The following SPMIP7 variants were observed in gnomAD, a reference collection of about 807,000 sequenced individuals.
SPMIP7 encodes sperm microtubule inner protein 7.
At chr7:50,096,000 T>G in the SPMIP7 span, 1 of 846,522 alleles carries the variant, frequency 1.2e-6, no homozygotes, top group Non-Finnish European at 1.7e-6. Context: ...AGATCTTTAG[T>G]TATTGGCAAT....
the SPMIP7 span, among the ~76,000 whole-genome samples, chr7:50,153,126 T>C: frequency 1.3e-5 from 2 of 152,170 alleles, no homozygotes; most frequent in Non-Finnish European, 2.9e-5. Flanking sequence ...AGCACACAAG[T>C]AACTGAAGAA....
chr7:50,143,420 G>A, the SPMIP7 span, among the ~76,000 whole-genome samples: 1 of 152,096 alleles, frequency 6.6e-6, no homozygotes, highest in Non-Finnish European at 1.5e-5. Flanking sequence ...GCCTGCCTCG[G>A]CCTCCCAAAG....
At chr7:50,101,819 T>C in the SPMIP7 span, among the ~76,000 whole-genome samples, 49 of 152,336 alleles carry the variant, frequency 3.2e-4, 1 homozygote, top group South Asian at 9.3e-3. Context: ...TCATGGTTCT[T>C]AAAACTGAAA....
At chr7:50,099,550 C>G in the SPMIP7 span, among the ~76,000 whole-genome samples, 1 of 152,166 alleles carries the variant, frequency 6.6e-6, no homozygotes, top group Non-Finnish European at 1.5e-5. Flanking sequence ...AAGAAGAAGA[C>G]CTTCACCCTT....
At chr7:50,114,381 A>C in the SPMIP7 span, among the ~76,000 whole-genome samples, 1 of 152,184 alleles carries the variant, frequency 6.6e-6, no homozygotes. Context: ...AGCAAAGAAA[A>C]TGAGCATATG....
the SPMIP7 span, among the ~76,000 whole-genome samples, chr7:50,149,726 C>T: frequency 1.6e-4 from 24 of 152,310 alleles, no homozygotes; most frequent in Middle Eastern, 6.8e-3. Context: ...AAGTCATCAC[C>T]AACAGAGTCA....
chr7:50,148,952 C>T, the SPMIP7 span, among the ~76,000 whole-genome samples: 1 of 152,170 alleles, frequency 6.6e-6, no homozygotes, highest in South Asian at 2.1e-4. Flanking sequence ...CAAGACCAGC[C>T]TGACCAACAG....
At chr7:50,111,846 T>G in the SPMIP7 span, among the ~76,000 whole-genome samples, 1 of 151,920 alleles carries the variant, frequency 6.6e-6, no homozygotes, top group African/African-American at 2.4e-5. Context: ...ACAAAATGAA[T>G]AGAAGAAAAT....
At chr7:50,109,363 AT>A in the SPMIP7 span, among the ~76,000 whole-genome samples, 123,234 of 149,978 alleles carry the variant, frequency 0.82, 50,192 homozygotes, top group East Asian at 0.93. Context: ...ACACAGTTTA[AT>A]TTATTTATTT....
At chr7:50,159,035 T>C in the SPMIP7 span, 1 of 1,551,384 alleles carries the variant, frequency 6.4e-7, no homozygotes, top group Non-Finnish European at 8.7e-7. Flanking sequence ...TTTTTTCCCA[T>C]CCTGCCCCAG....
chr7:50,098,856 C>T, the SPMIP7 span, among the ~76,000 whole-genome samples: 1 of 152,012 alleles, frequency 6.6e-6, no homozygotes, highest in Admixed American at 6.5e-5. Flanking sequence ...TACAGACATT[C>T]ACCACAACCA....
chr7:50,122,676 G>C, the SPMIP7 span, among the ~76,000 whole-genome samples: 13 of 149,778 alleles, frequency 8.7e-5, no homozygotes, highest in East Asian at 2.6e-3. Flanking sequence ...ATCTGACAAA[G>C]GGCTAATATC....
At chr7:50,117,381 C>A in the SPMIP7 span, 1 of 361,364 alleles carries the variant, frequency 2.8e-6, no homozygotes, top group South Asian at 2.1e-5. Flanking sequence ...TCATCTGAGC[C>A]GCTTTTAAGA....
the SPMIP7 span, chr7:50,141,383 A>G: frequency 6.5e-7 from 1 of 1,532,852 alleles, no homozygotes; most frequent in African/African-American, 1.4e-5. Flanking sequence ...ATACAAACAC[A>G]AGTCGGTGAG....
the SPMIP7 span, among the ~76,000 whole-genome samples, chr7:50,130,032 G>A: frequency 2.0e-5 from 3 of 152,060 alleles, no homozygotes; most frequent in African/African-American, 4.8e-5. Context: ...AGGGAGTGGG[G>A]GGATAAGAGT....
the SPMIP7 span, among the ~76,000 whole-genome samples, chr7:50,135,923 C>A: frequency 6.6e-6 from 1 of 152,142 alleles, no homozygotes; most frequent in Admixed American, 6.5e-5. Flanking sequence ...GATCAAAGAC[C>A]ATGAGTGGCT....
chr7:50,096,285 T>A, the SPMIP7 span: 1 of 1,551,808 alleles, frequency 6.4e-7, no homozygotes, highest in Admixed American at 2.0e-5. Flanking sequence ...TTTCTTAAAT[T>A]TCACCCTTAT....
the SPMIP7 span, among the ~76,000 whole-genome samples, chr7:50,120,687 T>G: frequency 2.8e-4 from 43 of 152,216 alleles, no homozygotes; most frequent in African/African-American, 1.0e-3. Flanking sequence ...GCAGGCGTCC[T>G]AAATGGTGGA....
At chr7:50,127,454 G>A in the SPMIP7 span, among the ~76,000 whole-genome samples, 1 of 151,252 alleles carries the variant, frequency 6.6e-6, no homozygotes, top group East Asian at 1.9e-4. Flanking sequence ...AAAAAGTGAA[G>A]AGACTACTCA....
Sources: gnomAD v4.1 joint callset for allele counts (sites outside exome capture counted in the v4.1 genomes callset) on GRCh38, gnomAD v4.1.1 for gene constraint, MANE v1.5 for transcripts, NCBI Gene and HGNC (gene_info 2026-07-23, HGNC 2026-07-21) for gene names.